Variants in TRIOBP observed in about 807,000 individuals in gnomAD.
The protein encoded by TRIOBP is TRIO and F-actin binding protein.
A neutral mutation model predicts 238.8 loss-of-function variants in TRIOBP; 169 were observed. The observed-to-expected ratio is 0.71, with a 90% CI of 0.62 to 0.80. TRIOBP has a LOEUF of 0.80. Among genes scored for constraint, TRIOBP ranks in the 30% least tolerant of loss-of-function variants. The probability of loss-of-function intolerance (pLI) is 0.00; values close to 1 mark genes in which losing one functional copy is unlikely to be tolerated. For synonymous variants in TRIOBP, 1,150 were observed against 1,274.4 expected (o/e 0.90, Z 2.08); for missense variants, 2,838 against 3,122.6 (o/e 0.91, Z 2.17).
chr22:37,747,451 T>TGGGTGGGCTGCTGGGGGCG (rs1357768796), intron 11 of TRIOBP, among the ~76,000 whole-genome samples: 1 of 99,206 alleles, frequency 1.0e-5, no homozygotes, highest in African/African-American at 3.8e-5. Context: ...TGCGGAGGAG[T>TGGGTGGGCTGCTGGGGGCG]GGGTGGGCTG....
rs1924148254 is a variant in TRIOBP at position 37,726,185 on chromosome 22, C to T, written c.3629C>T (p.Pro1210Leu). 2.5e-6 allele frequency: 4 copies of T among 1,579,524 alleles called. No homozygotes were observed. Among genetic ancestry groups the T allele is most frequent in the African/African-American group, 2.7e-5 (2 of 73,392 alleles). ...APSTDSLHGS[P>L]VLIPQVCIGH... The stretch of plus-strand genomic sequence containing the variant: ...TCCACTGACTCTCTGCATGGCTCCC[C>T]AGTGCTGATCCCCCAAGTGTGCATC... Residue 1210 changes from proline (P) to leucine (L), a missense_variant, in exon 7 of 24, where the codon CCA (proline) becomes CTA (leucine). Physicochemically the swap from Pro to Leu is moderately conservative, Grantham distance 98. This residue lies in a region of TRIOBP where 2,096 missense variants were observed against 2,137.4 expected (regional missense o/e 0.98). Coordinates refer to ENST00000644935, the MANE Select transcript of TRIOBP (RefSeq NM_001039141.3).
Position 37,707,732 on chromosome 22 carries a change from A to G in TRIOBP, c.115-2695A>G, listed in dbSNP as rs565682382. Among the ~76,000 whole-genome samples the G allele has an allele frequency of 4.7e-5, 7 of 149,624 alleles. No individual in the cohort carries two copies. In the South Asian group the frequency reaches 6.3e-4, roughly 14 times the overall value. On this transcript the variant is annotated intron_variant, in intron 3 of 23. Coordinates refer to ENST00000644935, the MANE Select transcript of TRIOBP (RefSeq NM_001039141.3). The stretch of plus-strand genomic sequence containing the variant: ...CGAGGCAGGTGGATCACCTGAGGTC[A>G]GGAGTTCGAGACCACCCTGGCCAAC...
chr22:37,752,064 T>C (rs1048334276), intron 12 of TRIOBP, among the ~76,000 whole-genome samples: 2 of 152,090 alleles, frequency 1.3e-5, no homozygotes, highest in Non-Finnish European at 2.9e-5. Context: ...CTTGATCTCA[T>C]CAAGAGTCTC....
At chr22:37,705,432 C>G (rs963974873) in intron 3 of TRIOBP, among the ~76,000 whole-genome samples, 2 of 151,982 alleles carry the variant, frequency 1.3e-5, no homozygotes, top group Non-Finnish European at 2.9e-5. Flanking sequence ...GGAGGCTGCA[C>G]ATCGGGCTGG....
At chr22:37,745,741 G>T (rs1925189423) in intron 11 of TRIOBP, among the ~76,000 whole-genome samples, 1 of 152,194 alleles carries the variant, frequency 6.6e-6, no homozygotes, top group Admixed American at 6.5e-5. Context: ...CAAGTCTGTG[G>T]TGAGGACGAA....
chr22:37,758,692 A>AAAGAAG (rs60824855), intron 16 of TRIOBP, among the ~76,000 whole-genome samples: 4 of 149,816 alleles, frequency 2.7e-5, no homozygotes, highest in Admixed American at 2.0e-4. Flanking sequence ...TAAAAAAAAA[A>AAAGAAG]AAGAAGAAGA....
At chr22:37,710,326 G>T in intron 3 of TRIOBP, 101 bp from the exon 4 acceptor site, 1 of 1,542,766 alleles carries the variant, frequency 6.5e-7, no homozygotes, top group South Asian at 1.1e-5. Flanking sequence ...ATCCCCCGAG[G>T]AGATGCCTGG....
chr22:37,765,882 C>G, intron 18 of TRIOBP, 65 bp downstream of exon 18: 2 of 1,516,568 alleles, frequency 1.3e-6, no homozygotes, highest in African/African-American at 1.4e-5. Flanking sequence ...TTCCTCCTAG[C>G]CAAACTGGGG....
intron 12 of TRIOBP, among the ~76,000 whole-genome samples, chr22:37,753,141 C>G (rs937971803): frequency 6.6e-6 from 1 of 152,238 alleles, no homozygotes; most frequent in African/African-American, 2.4e-5. Context: ...GAGGCCTGGC[C>G]TCCCAGAACA....
At position 37,723,646 on chromosome 22, in the gene TRIOBP, C is replaced by T. The variant is rs578179660; in HGVS notation, c.1090C>T (p.Pro364Ser). The change falls in exon 7 of 24, where the codon CCC (proline) becomes TCC (serine). Residue 364 changes from proline (P) to serine (S), a missense_variant. By Grantham distance (74) the Pro-to-Ser change is moderately conservative. Around this residue, in one of 5 missense-constraint regions of TRIOBP, gnomAD observed 535 missense variants for 537.3 expected, o/e 1.00. Coordinates refer to ENST00000644935, the MANE Select transcript of TRIOBP (RefSeq NM_001039141.3). ...AACCTCTTCTACCCAGCAGGACAAC[C>T]CCCAAACTTCTTTTCCTACTTGTAC... Reference protein sequence around the residue: ...PRTSSTQQDNPQTSFPTCTPQ... With the variant: ...PRTSSTQQDNSQTSFPTCTPQ... The T allele has an allele frequency of 2.6e-5, 42 of 1,614,140 alleles. No individual in the cohort carries two copies. Among genetic ancestry groups the T allele is most frequent in the Middle Eastern group, 1.6e-4 (1 of 6,062 alleles).
Position 37,725,585 on chromosome 22 carries a change from C to G in TRIOBP, c.3029C>G (p.Ser1010Cys). The G allele has an allele frequency of 6.2e-7, 1 of 1,613,946 alleles. No individual in the cohort carries two copies. Among genetic ancestry groups the G allele is most frequent in the Non-Finnish European group, 8.5e-7 (1 of 1,179,994 alleles). ...GCTCCCCTGACCTCTCCTGAGCCCTCCCAGCCTCCATGTGCTGTGTGCATT... is the reference window on the plus strand; with the variant it reads ...GCTCCCCTGACCTCTCCTGAGCCCTGCCAGCCTCCATGTGCTGTGTGCATT... ...YGAPLTSPEP[S>C]QPPCAVCIGH... The change falls in exon 7 of 24, where the codon TCC becomes TGC. Residue 1010 changes from serine to cysteine, a missense_variant. Around this residue, in one of 5 missense-constraint regions of TRIOBP, gnomAD observed 2,096 missense variants for 2,137.4 expected, o/e 0.98. Coordinates refer to ENST00000644935, the MANE Select transcript of TRIOBP (RefSeq NM_001039141.3).
intron 18 of TRIOBP, among the ~76,000 whole-genome samples, chr22:37,766,062 T>C (rs1926479887): frequency 6.6e-6 from 1 of 152,124 alleles, no homozygotes; most frequent in Non-Finnish European, 1.5e-5. Flanking sequence ...AGGTGGTGAC[T>C]CTTCCTGCTC....
intron 5 of TRIOBP, among the ~76,000 whole-genome samples, 154 bp downstream of exon 5, chr22:37,713,565 G>A (rs539608977): frequency 2.8e-4 from 43 of 152,338 alleles, no homozygotes; most frequent in South Asian, 2.5e-3. Context: ...GGGCCACCCC[G>A]GCGAACCCCT....
At chr22:37,714,015 C>T (rs769021799) in intron 5 of TRIOBP, among the ~76,000 whole-genome samples, 4 of 152,182 alleles carry the variant, frequency 2.6e-5, no homozygotes, top group Admixed American at 6.5e-5. Flanking sequence ...CAGCCTCACA[C>T]GCTTCATGGC....
At chr22:37,718,973 A>G (rs1923684078) in intron 6 of TRIOBP, among the ~76,000 whole-genome samples, 2 of 148,836 alleles carry the variant, frequency 1.3e-5, no homozygotes, top group African/African-American at 2.5e-5. Context: ...CAGTCTCCTG[A>G]GTAGCTGGGA....
intron 2 of TRIOBP, among the ~76,000 whole-genome samples, chr22:37,698,515 G>C (rs572896891): frequency 1.1e-3 from 164 of 151,618 alleles, no homozygotes; most frequent in African/African-American, 3.8e-3. Flanking sequence ...ACCACGCCCA[G>C]CTAATTTTTA....
rs1925864143 is a variant in TRIOBP at position 37,755,421 on chromosome 22, C to A, written c.5578-129C>A. On this transcript the variant is annotated intron_variant, in intron 14 of 23. Transcript: ENST00000644935. Reference sequence around the variant, plus strand: ...CCAATGGAAGGGAGGTTTTGTACCCCCTGCCCACCCCAGACTCAAGACCTT... The same window carrying A: ...CCAATGGAAGGGAGGTTTTGTACCCACTGCCCACCCCAGACTCAAGACCTT... 4.1e-6 allele frequency: 4 copies of A among 971,500 alleles called. No individual in the cohort carries two copies. The East Asian group carries it at 7.8e-5, about 19-fold the overall frequency. 60.2% of individuals were successfully genotyped at this position (971,500 alleles called of 1,614,324 possible). A position where few individuals can be genotyped will look rare whatever the true frequency, so the allele number is the denominator to read the frequency against.
At chr22:37,699,788 G>A (rs556293903) in intron 2 of TRIOBP, among the ~76,000 whole-genome samples, 5 of 152,088 alleles carry the variant, frequency 3.3e-5, no homozygotes, top group African/African-American at 7.2e-5. Context: ...TGATCTGCCC[G>A]CCTCGGCCTC....
chr22:37,742,375 A>G (rs1371096308), intron 11 of TRIOBP, among the ~76,000 whole-genome samples: 1 of 149,832 alleles, frequency 6.7e-6, no homozygotes, highest in Non-Finnish European at 1.5e-5. Context: ...CGATTCTGCC[A>G]TCTCAGCCTC....
Sources: gnomAD v4.1 joint callset for allele counts (sites outside exome capture counted in the v4.1 genomes callset) on GRCh38, gnomAD v4.1.1 for gene constraint, gnomAD v4.1.1 regional missense constraint, MANE v1.5 for transcripts, NCBI Gene and HGNC (gene_info 2026-07-23, HGNC 2026-07-21) for gene names.